NFAT5: variants seen among roughly 807,000 people sequenced by gnomAD.
NFAT5 encodes the protein nuclear factor of activated T cells 5.
Under a neutral mutation model 166.5 loss-of-function variants are expected in NFAT5, and 31 were observed. The ratio of observed to expected loss-of-function variants is 0.19; its 90% confidence interval spans 0.14 to 0.25. NFAT5 has a LOEUF of 0.25. Among genes scored for constraint, NFAT5 ranks in the 10% least tolerant of loss-of-function variants. The pLI, the probability that NFAT5 is intolerant of heterozygous loss-of-function variation, is 1.00. For missense variants in NFAT5, 1,449 were observed against 1,821.8 expected, an observed-to-expected ratio of 0.80 and a Z score of 3.72; for synonymous variants, 612 against 639.7, an observed-to-expected ratio of 0.96 and a Z score of 0.65.
At chr16:69,679,539 C>T (rs1257801440) in intron 10 of NFAT5, among the ~76,000 whole-genome samples, 2 of 151,514 alleles carry the variant, frequency 1.3e-5, no homozygotes, top group East Asian at 2.0e-4. Flanking sequence ...CTCTTGAACC[C>T]GGGAGGTGGA....
chr16:69,566,191 C>T lies in NFAT5; in HGVS notation c.-111C>T. The stretch of plus-strand genomic sequence containing the variant: ...CTCGAGGAGGAGGCAGCGGCAGCCG[C>T]CCTCGCGTCGCCGCCCCCGGTTCGG... On this transcript the variant is annotated 5_prime_UTR_variant, in exon 1 of 15. Transcript: ENST00000349945. This position sits in a 1 kb window ranked among gnomAD's most constrained non-coding sequence, Gnocchi z 5.7. The T allele has an allele frequency of 1.1e-6, 1 of 886,846 alleles. No homozygotes were observed. The highest frequency in any genetic ancestry group is 1.6e-5 in the South Asian group (1 of 61,432). 54.9% of individuals were successfully genotyped at this position (886,846 alleles called of 1,614,324 possible).
chr16:69,603,316 A>G (rs1430081183), intron 2 of NFAT5, among the ~76,000 whole-genome samples: 1 of 152,214 alleles, frequency 6.6e-6, no homozygotes, highest in Non-Finnish European at 1.5e-5. Flanking sequence ...TAAAATAGGA[A>G]TCTTCATGTA....
chr16:69,640,362 C>A (rs886489553), intron 3 of NFAT5, among the ~76,000 whole-genome samples: 2 of 152,048 alleles, frequency 1.3e-5, no homozygotes, highest in Non-Finnish European at 2.9e-5. Context: ...CTGATTGAAA[C>A]TAAAACTTTT....
chr16:69,568,835 T>G (rs1197611701), intron 2 of NFAT5, among the ~76,000 whole-genome samples: 1 of 152,188 alleles, frequency 6.6e-6, no homozygotes, highest in African/African-American at 2.4e-5. Context: ...ATTTTAGCTT[T>G]TTATACACAA....
rs2037781920 is a variant in NFAT5, at chr16:69,696,888, A to G, written c.*537A>G. The G allele has an allele frequency of 6.6e-6, 1 of 152,568 alleles. No individual in the cohort carries two copies. Among genetic ancestry groups the G allele is most frequent in the Non-Finnish European group, 1.5e-5 (1 of 68,036 alleles). 9.5% of individuals were successfully genotyped at this position (152,568 alleles called of 1,614,324 possible). ...GTTTTATTGGAGAAACTGAAGGGTA[A>G]CATTCTAACAAGTAAACTGTATGTG... On this transcript the variant is annotated 3_prime_UTR_variant, in exon 15 of 15. Transcript: ENST00000349945.
chr16:69,594,819 C>T (rs1158634811), intron 2 of NFAT5, among the ~76,000 whole-genome samples: 1 of 152,120 alleles, frequency 6.6e-6, no homozygotes, highest in African/African-American at 2.4e-5. Context: ...CTCACACAAT[C>T]ACAAGGTGAG....
intron 2 of NFAT5, among the ~76,000 whole-genome samples, chr16:69,590,242 T>C (rs2032378435): frequency 6.6e-6 from 1 of 152,152 alleles, no homozygotes; most frequent in African/African-American, 2.4e-5. Context: ...AGACGTTGAG[T>C]CCTGAGTATC....
At chr16:69,682,056 C>T (rs988806155) in intron 10 of NFAT5, among the ~76,000 whole-genome samples, 3 of 152,096 alleles carry the variant, frequency 2.0e-5, no homozygotes, top group African/African-American at 7.2e-5. Flanking sequence ...GACCTTCTAA[C>T]ATCCCATGGG....
rs1210993975 is a variant in NFAT5, at chr16:69,700,300, A to T, written c.*3949A>T. On this transcript the variant is annotated 3_prime_UTR_variant, in exon 15 of 15. Transcript: ENST00000349945. ...TTTTATTCTAGTGCATTTCTTGCTC[A>T]TCAGAACCTCAGCTAATCTACCTAG... 1 of 152,082 alleles carries T rather than the reference A, an allele frequency of 6.6e-6. No homozygotes were observed. Among genetic ancestry groups the T allele is most frequent in the Non-Finnish European group, 1.5e-5 (1 of 68,046 alleles). The allele number at this position is 152,082 out of a possible 1,614,324, so 9.4% of individuals were successfully genotyped here. A position where few individuals can be genotyped will look rare whatever the true frequency, so the allele number is the denominator to read the frequency against.
At position 69,698,845 on chromosome 16, in the gene NFAT5, A is replaced by C. The variant is rs1470836355; in HGVS notation, c.*2494A>C. The C allele has an allele frequency of 6.6e-6, 1 of 152,670 alleles. No individual in the cohort carries two copies. Among genetic ancestry groups the C allele is most frequent in the Non-Finnish European group, 1.5e-5 (1 of 68,050 alleles). 9.5% of individuals were successfully genotyped at this position (152,670 alleles called of 1,614,324 possible). ...GAAAACCCATGTTTGTAATTTTAAT[A>C]ACATTTTTCCCATCTTGTAATATCC... On this transcript the variant is annotated 3_prime_UTR_variant, in exon 15 of 15. Transcript: ENST00000349945.
chr16:69,621,334 A>G (rs1337574109), intron 2 of NFAT5, among the ~76,000 whole-genome samples: 2 of 152,076 alleles, frequency 1.3e-5, no homozygotes, highest in Non-Finnish European at 2.9e-5. Context: ...TTCAGTGGTT[A>G]TTAATGTAAA....
chr16:69,647,235 C>T lies in NFAT5; in HGVS notation c.461C>T (p.Pro154Leu), dbSNP rs1029531992. The change falls in exon 4 of 15, where the codon CCG (proline) becomes CTG (leucine). Residue 154 changes from proline to leucine, a missense_variant. Physicochemically the swap from Pro to Leu is moderately conservative, Grantham distance 98. This residue lies in a region of NFAT5 where 172 missense variants were observed against 194.5 expected (regional missense o/e 0.88). Transcript: ENST00000349945. The surrounding 1 kb of genome is among the most constrained non-coding windows in gnomAD (Gnocchi z 4.8). Reference sequence around the variant, plus strand: ...ACAGTTCAGCAGCATCCATCAACACCGAAGAGGCACACAGTCTTGTACATC... The same window carrying T: ...ACAGTTCAGCAGCATCCATCAACACTGAAGAGGCACACAGTCTTGTACATC... Reference protein sequence around the residue: ...SNTVQQHPSTPKRHTVLYISP... With the variant: ...SNTVQQHPSTLKRHTVLYISP... The T allele has an allele frequency of 1.9e-6, 3 of 1,613,928 alleles. No homozygotes were observed. Among genetic ancestry groups the T allele is most frequent in the Non-Finnish European group, 2.5e-6 (3 of 1,179,950 alleles).
chr16:69,618,713 G>A (rs2034068729), intron 2 of NFAT5, among the ~76,000 whole-genome samples: 1 of 152,028 alleles, frequency 6.6e-6, no homozygotes, highest in Non-Finnish European at 1.5e-5. Context: ...AACTCTTTCA[G>A]ATTCCAAGAG....
chr16:69,602,529 A>AGT (rs767206763), intron 2 of NFAT5, among the ~76,000 whole-genome samples: 11 of 150,664 alleles, frequency 7.3e-5, no homozygotes, highest in Non-Finnish European at 1.6e-4. Context: ...AGCCTCCCAA[A>AGT]GTGCTGGGAT....
At chr16:69,657,468 T>TAA (rs74905288) in intron 6 of NFAT5, among the ~76,000 whole-genome samples, 1 of 150,214 alleles carries the variant, frequency 6.7e-6, no homozygotes, top group African/African-American at 2.4e-5. Flanking sequence ...TGAAAATTAC[T>TAA]AAAAAAGGGG....
intron 5 of NFAT5, 147 bp downstream of exon 5, chr16:69,653,575 A>ATTTT: frequency 2.8e-6 from 1 of 354,670 alleles, no homozygotes. Flanking sequence ...TTTAGAAAGA[A>ATTTT]TTTTTTTTTT....
chr16:69,619,926 G>T (rs1214632398), intron 2 of NFAT5, among the ~76,000 whole-genome samples: 1 of 152,098 alleles, frequency 6.6e-6, no homozygotes, highest in Non-Finnish European at 1.5e-5. Flanking sequence ...CTTTAAATTT[G>T]ACCCACTGTA....
chr16:69,618,280 C>T (rs2034048982), intron 2 of NFAT5, among the ~76,000 whole-genome samples: 1 of 151,580 alleles, frequency 6.6e-6, no homozygotes, highest in African/African-American at 2.4e-5. Context: ...TTTAGGAAAA[C>T]AGTAATTAAA....
chr16:69,634,236 G>A (rs936056908), intron 3 of NFAT5, among the ~76,000 whole-genome samples: 2 of 137,650 alleles, frequency 1.5e-5, no homozygotes, highest in African/African-American at 2.8e-5. Context: ...CCGAGATCAT[G>A]CCACTGCACT....
Sources: gnomAD v4.1 joint callset for allele counts (sites outside exome capture counted in the v4.1 genomes callset) on GRCh38, gnomAD v4.1.1 for gene constraint, gnomAD v4.1.1 regional missense constraint, Gnocchi (gnomAD v3.1) non-coding constraint, MANE v1.5 for transcripts, NCBI Gene and HGNC (gene_info 2026-07-23, HGNC 2026-07-21) for gene names.